MTA3: variants seen among roughly 807,000 people sequenced by gnomAD.
MTA3 encodes metastasis-associated protein MTA3.
Under a neutral mutation model 83.5 loss-of-function variants are expected in MTA3, and 34 were observed. The ratio of observed to expected loss-of-function variants is 0.41; its 90% CI spans 0.31 to 0.54. The LOEUF (loss-of-function observed/expected upper bound fraction) is 0.54, where lower values mean the gene tolerates loss of function less well. MTA3 is among the 20% of genes least tolerant of loss of function. MTA3 has a pLI of 0.33. For missense variants in MTA3, 761 were observed against 726.4 expected, an observed-to-expected ratio of 1.05 and a Z score of -0.55; for synonymous variants, 303 against 252.7, an observed-to-expected ratio of 1.20 and a Z score of -1.89.
intron 3 of MTA3, among the ~76,000 whole-genome samples, chr2:42,584,419 A>G (rs953478363): frequency 2.0e-5 from 3 of 152,230 alleles, no homozygotes; most frequent in Admixed American, 1.3e-4. Context: ...GGAACTCTCC[A>G]TGCCATTTAC....
intron 2 of MTA3, among the ~76,000 whole-genome samples, chr2:42,557,105 A>T (rs1677429161): frequency 6.6e-6 from 1 of 151,998 alleles, no homozygotes; most frequent in African/African-American, 2.4e-5. Context: ...AGACCAGGTG[A>T]GGTGGCTCAC....
intron 2 of MTA3, among the ~76,000 whole-genome samples, chr2:42,543,797 T>A (rs1217288758): frequency 6.6e-6 from 1 of 151,856 alleles, no homozygotes; most frequent in East Asian, 1.9e-4. Flanking sequence ...TTAAGCAACA[T>A]TTTAAAAAAT....
chr2:42,535,882 G>T (rs1029763134), intron 2 of MTA3, among the ~76,000 whole-genome samples: 5 of 144,316 alleles, frequency 3.5e-5, no homozygotes, highest in African/African-American at 1.3e-4. Context: ...ACTTTGGGAG[G>T]TCAAGCCAGG....
At chr2:42,719,612 G>A (rs1159745946) in intron 15 of MTA3, among the ~76,000 whole-genome samples, 7 of 152,270 alleles carry the variant, frequency 4.6e-5, no homozygotes, top group African/African-American at 2.4e-5. Flanking sequence ...GGCCTCAAGC[G>A]ATCTTCCTGC....
chr2:42,549,252 T>A (rs1459494770), intron 2 of MTA3, among the ~76,000 whole-genome samples: 1 of 120,002 alleles, frequency 8.3e-6, no homozygotes, highest in African/African-American at 3.1e-5. Flanking sequence ...TATAATATAT[T>A]ATATATTATA....
In MTA3 at chr2:42,729,093, T is replaced by G. The variant is rs10206110; in HGVS notation, c.1759+6058T>G. Among the ~76,000 whole-genome samples, 322 of 37,034 alleles carry G rather than the reference T, an allele frequency of 8.7e-3. 1 individual carries two copies. Among genetic ancestry groups the G allele is most frequent in the East Asian group, 0.029 (16 of 552 alleles). 24.3% of individuals were successfully genotyped at this position (37,034 alleles called of 152,430 possible). A position where few individuals can be genotyped will look rare whatever the true frequency, so the allele number is the denominator to read the frequency against. ...ATTAGTTTCACAGTTTGAGTTTTTT[T>G]TTTTTTTTTTTTTTTTTTTTCACAG... On this transcript the variant is annotated intron_variant, in intron 16 of 16. Coordinates refer to ENST00000405094, the MANE Select transcript of MTA3 (RefSeq NM_001330442.2).
intron 16 of MTA3, among the ~76,000 whole-genome samples, chr2:42,733,133 G>A (rs1668354627): frequency 6.6e-6 from 1 of 152,122 alleles, no homozygotes; most frequent in Non-Finnish European, 1.5e-5. Context: ...TGGTACCAAT[G>A]TACTGTATTA....
In MTA3 at chr2:42,652,854, G is replaced by T. The variant is rs116105182; in HGVS notation, c.500-3346G>T. 2.9e-3 allele frequency among the ~76,000 whole-genome samples: 448 copies of T among 152,268 alleles called. 1 individual carries two copies. The highest frequency in any genetic ancestry group is 0.01 in the African/African-American group (426 of 41,548). Reference sequence around the variant, plus strand: ...TTCAGGACAATATTGAGCAAAAATGGTGATAAAAGACATCCTTGTGTGTTC... The same window carrying T: ...TTCAGGACAATATTGAGCAAAAATGTTGATAAAAGACATCCTTGTGTGTTC... On this transcript the variant is annotated intron_variant, in intron 6 of 16. Coordinates refer to ENST00000405094, the MANE Select transcript of MTA3 (RefSeq NM_001330442.2).
At chr2:42,587,572 G>T (rs1032535042) in intron 3 of MTA3, among the ~76,000 whole-genome samples, 5 of 151,008 alleles carry the variant, frequency 3.3e-5, no homozygotes, top group African/African-American at 1.2e-4. Flanking sequence ...TTTTTCTCTC[G>T]ATTTTCCCTT....
chr2:42,556,745 T>C (rs1677410657), intron 2 of MTA3, among the ~76,000 whole-genome samples: 1 of 152,052 alleles, frequency 6.6e-6, no homozygotes, highest in South Asian at 2.1e-4. Context: ...TGAGGGGCCT[T>C]TGAGGGGCTG....
chr2:42,715,473 C>T (rs376831961), intron 14 of MTA3, among the ~76,000 whole-genome samples: 47 of 139,466 alleles, frequency 3.4e-4, no homozygotes, highest in Non-Finnish European at 6.5e-4. Context: ...AGTGCAGTAG[C>T]GTGATCATGG....
chr2:42,725,360 G>A (rs1667734395), intron 16 of MTA3, among the ~76,000 whole-genome samples: 1 of 152,204 alleles, frequency 6.6e-6, no homozygotes, highest in Non-Finnish European at 1.5e-5. Flanking sequence ...ACTGATTTCA[G>A]AATCTTCTCG....
In MTA3 at chr2:42,547,583, G is replaced by A. The variant is rs370055936; in HGVS notation, c.-140-22854G>A. 2.6e-4 allele frequency among the ~76,000 whole-genome samples: 39 copies of A among 152,338 alleles called. No individual in the cohort carries two copies. In the East Asian group the frequency reaches 4.6e-3, roughly 18 times the overall value. On this transcript the variant is annotated intron_variant, in intron 2 of 17. Transcript: ENST00000405592. ...TGACCTCAAGTGATCCGCCCGCCAA[G>A]GCCTCTCAAAGCGCTGGGATTACAG...
chr2:42,533,002 G>T, intron 2 of MTA3: 1 of 183,042 alleles, frequency 5.5e-6, no homozygotes, highest in Non-Finnish European at 1.1e-5. Flanking sequence ...CCTTGCCCTT[G>T]TTTGTTTACA....
intron 4 of MTA3, among the ~76,000 whole-genome samples, chr2:42,628,205 G>A (rs1407113058): frequency 1.1e-5 from 1 of 91,134 alleles, no homozygotes; most frequent in African/African-American, 4.8e-5. Context: ...TCTTCTTATC[G>A]TTTTATTTAT....
At chr2:42,551,581 AC>A (rs1437116448) in intron 2 of MTA3, among the ~76,000 whole-genome samples, 2 of 152,160 alleles carry the variant, frequency 1.3e-5, no homozygotes, top group Non-Finnish European at 2.9e-5. Context: ...CAAAGAGCTT[AC>A]ATTTTAGTGG....
At chr2:42,649,710 G>A (rs1017834969) in intron 6 of MTA3, among the ~76,000 whole-genome samples, 2 of 152,188 alleles carry the variant, frequency 1.3e-5, no homozygotes, top group African/African-American at 2.4e-5. Context: ...CTGAAAATCT[G>A]AGGCACTTTC....
At chr2:42,602,365 G>T (rs1682685484) in intron 3 of MTA3, among the ~76,000 whole-genome samples, 1 of 152,142 alleles carries the variant, frequency 6.6e-6, no homozygotes, top group South Asian at 2.1e-4. Context: ...TTCATGTACA[G>T]GTCTTTTGGT....
intron 3 of MTA3, among the ~76,000 whole-genome samples, chr2:42,582,454 T>C (rs1679776501): frequency 6.6e-6 from 1 of 152,212 alleles, no homozygotes; most frequent in African/African-American, 2.4e-5. Context: ...TTATAGATTT[T>C]TGCTATAACC....
Sources: allele counts gnomAD v4.1 joint callset (sites outside exome capture counted in the v4.1 genomes callset), GRCh38; gene constraint gnomAD v4.1.1; transcripts MANE v1.5; gene names NCBI Gene and HGNC (gene_info 2026-07-23, HGNC 2026-07-21).